Variants in TENM3 observed in about 807,000 individuals in gnomAD.
TENM3 encodes the protein teneurin transmembrane protein 3.
A neutral mutation model predicts 255.1 loss-of-function variants in TENM3; 63 were observed. The observed-to-expected ratio is 0.25, with a 90% CI of 0.20 to 0.30. The LOEUF (loss-of-function observed/expected upper bound fraction) is 0.30. Among genes scored for constraint, TENM3 ranks in the 10% least tolerant of loss-of-function variants. The probability of loss-of-function intolerance (pLI) is 1.00; values close to 1 mark genes in which losing one functional copy is unlikely to be tolerated. For synonymous variants in TENM3, 1,306 were observed against 1,322.3 expected, an observed-to-expected ratio of 0.99 and a Z score of 0.27; for missense variants, 2,929 against 3,461.1, an observed-to-expected ratio of 0.85 and a Z score of 3.86.
rs974595945 is a variant in TENM3, at chr4:182,309,619, C to A, written c.-75-14327C>A. 2.6e-5 allele frequency among the ~76,000 whole-genome samples: 4 copies of A among 152,144 alleles called. No individual in the cohort carries two copies. In the South Asian group the frequency reaches 8.3e-4, roughly 32 times the overall value. On this transcript the variant is annotated intron_variant, in intron 1 of 27. Coordinates refer to ENST00000511685, the MANE Select transcript of TENM3 (RefSeq NM_001080477.4). Reference sequence around the variant, plus strand: ...CATTTTGAAATTATTGGTGTGGGAACAATTTTTTTCTTATTTGATGACATA... The same window carrying A: ...CATTTTGAAATTATTGGTGTGGGAAAAATTTTTTTCTTATTTGATGACATA...
the TENM3 span, among the ~76,000 whole-genome samples, chr4:181,990,349 G>A: frequency 6.6e-6 from 1 of 152,118 alleles, no homozygotes; most frequent in Non-Finnish European, 1.5e-5. Flanking sequence ...ACGTGCATAC[G>A]ATTTGATACA....
chr4:182,587,346 T>C (rs887573308), intron 3 of TENM3, among the ~76,000 whole-genome samples: 1 of 152,068 alleles, frequency 6.6e-6, no homozygotes, highest in African/African-American at 2.4e-5. Context: ...GGCAGGCGGA[T>C]CACCTGAGGT....
chr4:181,860,797 T>C, the TENM3 span, among the ~76,000 whole-genome samples: 2,910 of 152,260 alleles, frequency 0.019, 163 homozygotes, highest in East Asian at 0.22. Context: ...AATCATAGTT[T>C]TTTTAACATC....
chr4:181,880,706 T>C, the TENM3 span, among the ~76,000 whole-genome samples: 6 of 152,204 alleles, frequency 3.9e-5, no homozygotes, highest in Admixed American at 3.9e-4. Context: ...CTCTAACTCC[T>C]ACCCTTTGAA....
At chr4:182,213,880 C>T (rs1755230603) in intron 1 of TENM3, among the ~76,000 whole-genome samples, 1 of 152,112 alleles carries the variant, frequency 6.6e-6, no homozygotes, top group Non-Finnish European at 1.5e-5. Flanking sequence ...CGGCTCACTG[C>T]AAGCTCTGCC....
At chr4:182,766,362 G>A (rs998214736) in intron 22 of TENM3, among the ~76,000 whole-genome samples, 5 of 151,590 alleles carry the variant, frequency 3.3e-5, no homozygotes, top group East Asian at 1.9e-4. Context: ...TTCCTCACTC[G>A]ATAAACAATT....
the TENM3 span, among the ~76,000 whole-genome samples, chr4:181,456,469 T>G: frequency 6.6e-6 from 1 of 151,718 alleles, no homozygotes; most frequent in South Asian, 2.1e-4. Flanking sequence ...TAAAACAACT[T>G]TTGTCAAAAT....
At chr4:181,681,787 G>A in the TENM3 span, among the ~76,000 whole-genome samples, 49,019 of 151,770 alleles carry the variant, frequency 0.32, 8,668 homozygotes, top group African/African-American at 0.47. Context: ...AGATAAAGTG[G>A]GTGATTTTTC....
At chr4:182,576,215 GT>G (rs1744901230) in intron 3 of TENM3, among the ~76,000 whole-genome samples, 1 of 152,086 alleles carries the variant, frequency 6.6e-6, no homozygotes, top group South Asian at 2.1e-4. Context: ...CTCCTAGTAT[GT>G]TTCTTTTTCC....
chr4:181,590,143 C>A, the TENM3 span, among the ~76,000 whole-genome samples: 5 of 152,082 alleles, frequency 3.3e-5, no homozygotes, highest in African/African-American at 7.2e-5. Flanking sequence ...TTATTCAACC[C>A]TTCTTTCTTT....
chr4:181,650,210 C>G, the TENM3 span, among the ~76,000 whole-genome samples: 1 of 152,192 alleles, frequency 6.6e-6, no homozygotes. Flanking sequence ...GATTTACTAA[C>G]AGTTACACCC....
the TENM3 span, among the ~76,000 whole-genome samples, chr4:182,096,508 C>G: frequency 6.6e-6 from 1 of 152,118 alleles, no homozygotes; most frequent in South Asian, 2.1e-4. Context: ...ATTAAAATAT[C>G]TCTATTTTTG....
the TENM3 span, among the ~76,000 whole-genome samples, chr4:181,649,325 A>G: frequency 6.6e-6 from 1 of 152,250 alleles, no homozygotes; most frequent in Non-Finnish European, 1.5e-5. Context: ...TCACCCGTCC[A>G]TCAATACCGG....
At chr4:182,770,468 GC>G (rs1446946474) in intron 22 of TENM3, among the ~76,000 whole-genome samples, 1 of 152,068 alleles carries the variant, frequency 6.6e-6, no homozygotes, top group African/African-American at 2.4e-5. Context: ...AGCCCTCCCA[GC>G]CCCACCCGGG....
chr4:182,731,259 G>A lies in TENM3; in HGVS notation c.2967+120G>A, dbSNP rs547832900. On this transcript the variant is annotated intron_variant, in intron 16 of 27. Transcript: ENST00000511685. ...GGTGGCTCACTCCTGTAATCCCAGC[G>A]CTTTGGGAGGCCGAGGTGGGCAGAT... 1,179 of 990,476 alleles carry A rather than the reference G, an allele frequency of 1.2e-3. 24 individuals carry two copies. The South Asian group carries it at 0.018, about 15-fold the overall frequency. The allele number at this position is 990,476 out of a possible 1,614,324, so 61.4% of individuals were successfully genotyped here.
chr4:181,834,060 G>T, the TENM3 span, among the ~76,000 whole-genome samples: 4 of 150,984 alleles, frequency 2.6e-5, no homozygotes, highest in Admixed American at 6.6e-5. Flanking sequence ...GTGCATTTTA[G>T]ATTCATACAT....
rs188381306 is a variant in TENM3, at chr4:182,784,397, G to A, written c.5305-4696G>A. ...CAGGGGTCAGGGACCCACTTGAGGA[G>A]GCACTCTGCCAGTTTTCAGATCTCC... On this transcript the variant is annotated intron_variant, in intron 24 of 27. Transcript: ENST00000511685. 3.0e-4 allele frequency among the ~76,000 whole-genome samples: 46 copies of A among 151,964 alleles called. 1 individual carries two copies. The highest frequency in any genetic ancestry group is 5.3e-4 in the Non-Finnish European group (36 of 67,970).
At chr4:182,447,553 G>A (rs1389572635) in intron 3 of TENM3, among the ~76,000 whole-genome samples, 2 of 152,156 alleles carry the variant, frequency 1.3e-5, no homozygotes, top group Non-Finnish European at 2.9e-5. Flanking sequence ...AGACCGTGGG[G>A]GAAGAGAGAA....
chr4:182,454,331 T>C (rs913527524), intron 3 of TENM3, among the ~76,000 whole-genome samples: 32 of 152,202 alleles, frequency 2.1e-4, no homozygotes, highest in African/African-American at 7.7e-4. Flanking sequence ...TAGTTTCTTT[T>C]TAATGATAGT....
Sources: allele counts gnomAD v4.1 joint callset (sites outside exome capture counted in the v4.1 genomes callset), GRCh38; gene constraint gnomAD v4.1.1; transcripts MANE v1.5; gene names NCBI Gene and HGNC (gene_info 2026-07-23, HGNC 2026-07-21).